Variants in FBP1 observed in about 807,000 individuals in gnomAD.
FBP1 encodes the protein fructose-bisphosphatase 1.
In FBP1, 22 loss-of-function variants were observed where a neutral mutation model predicts 29.9. The ratio of observed to expected loss-of-function variants is 0.74; its 90% CI spans 0.53 to 1.05. FBP1 has a LOEUF of 1.05. FBP1 is among the 50% of genes least tolerant of loss of function. FBP1 has a pLI of 0.00. For missense variants in FBP1, 345 were observed against 448.2 expected, an observed-to-expected ratio of 0.77 and a Z score of 2.08; for synonymous variants, 175 against 178.6, an observed-to-expected ratio of 0.98 and a Z score of 0.16.
intron 6 of FBP1, among the ~76,000 whole-genome samples, chr9:94,604,750 C>G (rs1827671689): frequency 1.3e-5 from 2 of 152,204 alleles, no homozygotes; most frequent in Admixed American, 1.3e-4. Flanking sequence ...CGCCACTGCA[C>G]TCCAGCCTGG....
At chr9:94,605,409 C>T in intron 6 of FBP1, 48 bp downstream of exon 6, 1 of 1,603,556 alleles carries the variant, frequency 6.2e-7, no homozygotes, top group Non-Finnish European at 8.5e-7. Flanking sequence ...ATCGCGTGGG[C>T]TGCAAGTGAA....
rs182099660 is a variant in FBP1, at chr9:94,610,933, G to A, written c.427-872C>T. Among the ~76,000 whole-genome samples, 998 of 150,086 alleles carry A rather than the reference G, an allele frequency of 6.6e-3. 15 individuals carry two copies. Among genetic ancestry groups the A allele is most frequent in the African/African-American group, 0.023 (953 of 40,788 alleles). On this transcript the variant is annotated intron_variant, in intron 3 of 6. Transcript: ENST00000375326. ...GGCTGGAGTGCAGTGGTGCTATCTC[G>A]GCTCACTGCAAGCTCCGCCTCGCGG...
At chr9:94,606,718 G>A in intron 5 of FBP1, 97 bp downstream of exon 5, 5 of 1,277,280 alleles carry the variant, frequency 3.9e-6, no homozygotes, top group Non-Finnish European at 5.6e-6. Flanking sequence ...TCGATCCCAA[G>A]GATCCCTTTC....
intron 1 of FBP1, among the ~76,000 whole-genome samples, chr9:94,633,723 G>A (rs1828145180): frequency 6.7e-6 from 1 of 149,170 alleles, no homozygotes; most frequent in Admixed American, 6.7e-5. Context: ...TTTTTTTTTT[G>A]AGACGGAGTC....
At chr9:94,606,312 T>A (rs1696060394) in intron 5 of FBP1, among the ~76,000 whole-genome samples, 1 of 152,064 alleles carries the variant, frequency 6.6e-6, no homozygotes, top group Non-Finnish European at 1.5e-5. Flanking sequence ...GCACTCTCGG[T>A]CTCGAGATAA....
At chr9:94,629,107 G>C (rs1211212448) in intron 1 of FBP1, among the ~76,000 whole-genome samples, 1 of 151,962 alleles carries the variant, frequency 6.6e-6, no homozygotes, top group Non-Finnish European at 1.5e-5. Context: ...TCAGCCTCCC[G>C]AGTAGCTGGG....
chr9:94,639,070 A>G, intron 1 of FBP1, 71 bp downstream of exon 1: 2 of 1,481,866 alleles, frequency 1.3e-6, no homozygotes, highest in Admixed American at 2.0e-5. Context: ...AGAGGGCCCA[A>G]CGTCAGCCCG....
At chr9:94,621,038 C>A (rs1221031471) in intron 1 of FBP1, among the ~76,000 whole-genome samples, 2 of 151,750 alleles carry the variant, frequency 1.3e-5, no homozygotes, top group Admixed American at 6.6e-5. Flanking sequence ...ATGGTGAAAC[C>A]CCGTCTCTAT....
chr9:94,605,085 T>G (rs1827677055), intron 6 of FBP1, among the ~76,000 whole-genome samples: 1 of 152,190 alleles, frequency 6.6e-6, no homozygotes, highest in African/African-American at 2.4e-5. Context: ...CAAAGAAGAC[T>G]TCTACTGAGG....
At chr9:94,634,756 C>A (rs1055277597) in intron 1 of FBP1, among the ~76,000 whole-genome samples, 5 of 152,110 alleles carry the variant, frequency 3.3e-5, no homozygotes, top group African/African-American at 1.2e-4. Flanking sequence ...GAATTCACAT[C>A]AAAAATGTCG....
intron 1 of FBP1, 59 bp downstream of exon 1, chr9:94,639,082 C>T (rs1188587618): frequency 1.3e-6 from 2 of 1,530,102 alleles, no homozygotes; most frequent in African/African-American, 1.4e-5. Flanking sequence ...GTCAGCCCGC[C>T]GGGCAGGCTC....
Position 94,603,315 on chromosome 9 carries a change from G to T in FBP1, c.*66C>A. On this transcript the variant is annotated 3_prime_UTR_variant, in exon 7 of 7. Coordinates refer to ENST00000375326, the MANE Select transcript of FBP1 (RefSeq NM_000507.4). ...GAATGTAAGGTGCACAGCAGGTCAG[G>T]GTACTGCTGTGTGAGACAAAAGGTC... 1.6e-6 allele frequency: 2 copies of T among 1,246,736 alleles called. No homozygotes were observed. The highest frequency in any genetic ancestry group is 1.8e-5 in the Admixed American group (1 of 54,212). 77.2% of individuals were successfully genotyped at this position (1,246,736 alleles called of 1,614,324 possible). A position where few individuals can be genotyped will look rare whatever the true frequency, so the allele number is the denominator to read the frequency against.
chr9:94,603,642 A>G, intron 6 of FBP1, 70 bp from the exon 7 acceptor site: 1 of 1,380,836 alleles, frequency 7.2e-7, no homozygotes, highest in Non-Finnish European at 1.0e-6. Flanking sequence ...ACTTTTCTGC[A>G]GCAAAACATG....
Position 94,603,235 on chromosome 9 carries a change from C to T in FBP1, c.*146G>A, listed in dbSNP as rs1827636720. 1 of 734,244 alleles carries T rather than the reference C, an allele frequency of 1.4e-6. No homozygotes were observed. Among genetic ancestry groups the T allele is most frequent in the South Asian group, 1.5e-5 (1 of 65,154 alleles). 45.5% of individuals were successfully genotyped at this position (734,244 alleles called of 1,614,324 possible). On this transcript the variant is annotated 3_prime_UTR_variant, in exon 7 of 7. Transcript: ENST00000375326. ...CAGCATTTGGTTAGGGAGTGCCAAG[C>T]ATTCTACAGCATTTGATGGTGGAAA...
intron 3 of FBP1, among the ~76,000 whole-genome samples, chr9:94,614,462 C>A (rs1347504195): frequency 6.6e-6 from 1 of 152,128 alleles, no homozygotes; most frequent in Non-Finnish European, 1.5e-5. Flanking sequence ...ATCGCTTGAA[C>A]CAGGGAGGCA....
At chr9:94,606,269 G>A (rs1056631215) in intron 5 of FBP1, among the ~76,000 whole-genome samples, 2 of 152,122 alleles carry the variant, frequency 1.3e-5, no homozygotes, top group African/African-American at 4.8e-5. Flanking sequence ...ATATTCACTA[G>A]CTTGTAACCT....
At chr9:94,606,994 A>G (rs1462254884) in intron 4 of FBP1, 42 bp from the exon 5 acceptor site, 16 of 1,613,376 alleles carry the variant, frequency 9.9e-6, no homozygotes, top group African/African-American at 2.7e-5. Context: ...TGACGAGCGC[A>G]CTGGGTCCCC....
At chr9:94,627,105 T>A (rs765420825) in intron 1 of FBP1, among the ~76,000 whole-genome samples, 2 of 151,728 alleles carry the variant, frequency 1.3e-5, no homozygotes, top group Non-Finnish European at 2.9e-5. Context: ...GGAGAATCGC[T>A]TGAACCCGGG....
intron 3 of FBP1, among the ~76,000 whole-genome samples, chr9:94,613,309 A>G (rs1040193283): frequency 6.6e-6 from 1 of 152,186 alleles, no homozygotes; most frequent in African/African-American, 2.4e-5. Flanking sequence ...CATTATTGGG[A>G]GGGCAGAAAC....
Sources: gnomAD v4.1 joint callset for allele counts (sites outside exome capture counted in the v4.1 genomes callset) on GRCh38, gnomAD v4.1.1 for gene constraint, MANE v1.5 for transcripts, NCBI Gene and HGNC (gene_info 2026-07-23, HGNC 2026-07-21) for gene names.